ST6GALNAC4: variants seen among roughly 807,000 people sequenced by gnomAD.
The protein encoded by ST6GALNAC4 is ST6 N-acetylgalactosaminide alpha-2,6-sialyltransferase 4.
ST6GALNAC4 carries 24 observed loss-of-function variants against 30.4 expected under a neutral mutation model. That is an observed-to-expected ratio of 0.79 (90% CI 0.57 to 1.11). ST6GALNAC4 has a LOEUF of 1.11. ST6GALNAC4 is among the 50% of genes most tolerant of loss of function. The probability of loss-of-function intolerance (pLI) is 0.00; values close to 1 mark genes in which losing one functional copy is unlikely to be tolerated. For synonymous variants in ST6GALNAC4, 156 were observed against 179.7 expected (o/e 0.87, Z 1.05); for missense variants, 365 against 430.1 (o/e 0.85, Z 1.34).
chr9:127,910,888 G>A (rs1831060980), intron 4 of ST6GALNAC4, among the ~76,000 whole-genome samples: 2 of 152,188 alleles, frequency 1.3e-5, no homozygotes, highest in South Asian at 4.1e-4. Flanking sequence ...ATGGCAGAGG[G>A]TGACACCTGC....
In ST6GALNAC4 at chr9:127,914,586, G is replaced by A. The variant is rs996328455; in HGVS notation, c.198+70C>T. ...CATGGCTGGTGAGTAGAGGGGCCAA[G>A]CTCAAGGTCCGGTTTGGGACAAGCC... On this transcript the variant is annotated intron_variant, in intron 3 of 5. Coordinates refer to ENST00000335791, the MANE Select transcript of ST6GALNAC4 (RefSeq NM_175039.4). The A allele has an allele frequency of 5.2e-6, 7 of 1,341,166 alleles. No homozygotes were observed. In the African/African-American group the frequency reaches 9.2e-5, roughly 18 times the overall value. 83.1% of individuals were successfully genotyped at this position (1,341,166 alleles called of 1,614,324 possible).
intron 4 of ST6GALNAC4, 80 bp from the exon 5 acceptor site, chr9:127,910,138 TTTGCCAGCCCGGGGC>T: frequency 1.3e-6 from 2 of 1,556,956 alleles, no homozygotes; most frequent in Non-Finnish European, 1.7e-6. Context: ...CACTTGGTAC[TTTGCCAGCCCGGGGC>T]TATGCACCTC....
At chr9:127,914,955 C>T in intron 2 of ST6GALNAC4, 114 bp from the exon 3 acceptor site, 1 of 956,934 alleles carries the variant, frequency 1.0e-6, no homozygotes. Context: ...TAGAGCAGCT[C>T]CTAGAACAGC....
rs1156934077 is a variant in ST6GALNAC4 at position 127,914,723 on chromosome 9, G to T, written c.131C>A (p.Thr44Lys). ...TCCCGGCACAGTGGGCCTGGAGCCT[G>T]TGGGGAAGTGGTGGTCCAGGCAGGT... Reference protein sequence around the residue: ...LATCLDHHFPTGSRPTVPGPL... With the variant: ...LATCLDHHFPKGSRPTVPGPL... The change falls in exon 3 of 6, where the codon ACA (threonine) becomes AAA (lysine). Residue 44 changes from threonine to lysine, a missense_variant. Physicochemically the swap from Thr to Lys is moderately conservative, Grantham distance 78. Coordinates refer to ENST00000335791, the MANE Select transcript of ST6GALNAC4 (RefSeq NM_175039.4). 1 of 1,611,466 alleles carries T rather than the reference G, an allele frequency of 6.2e-7. No individual in the cohort carries two copies. Among genetic ancestry groups the T allele is most frequent in the Non-Finnish European group, 8.5e-7 (1 of 1,178,822 alleles).
Position 127,914,737 on chromosome 9 carries a change from G to A in ST6GALNAC4, c.117C>T (p.Asp39=). 6.2e-7 allele frequency: 1 copy of A among 1,610,044 alleles called. No homozygotes were observed. The highest frequency in any genetic ancestry group is 8.5e-7 in the Non-Finnish European group (1 of 1,178,116). ...GLPLCLATCL[D]HHFPTGSRPT... The stretch of plus-strand genomic sequence containing the variant: ...GCCTGGAGCCTGTGGGGAAGTGGTG[G>A]TCCAGGCAGGTGGCCAGGCAGAGGG... The change falls in exon 3 of 6, where the codon GAC becomes GAT. Residue 39 remains aspartate, a synonymous_variant. Coordinates refer to ENST00000335791, the MANE Select transcript of ST6GALNAC4 (RefSeq NM_175039.4).
At position 127,908,511 on chromosome 9, in the gene ST6GALNAC4, G is replaced by T; in HGVS notation, c.790C>A (p.Leu264Met). Reference sequence around the variant, plus strand: ...CTTCGGGGCGCCTGCTCGTGTGCCAGGTACATCTGACACTCATCTAGCCGG... The same window carrying T: ...CTTCGGGGCGCCTGCTCGTGTGCCATGTACATCTGACACTCATCTAGCCGG... ...KGRLDECQMY[L>M]AHEQAPRSAH... Residue 264 changes from leucine to methionine, a missense_variant, in exon 6 of 6, where the codon CTG becomes ATG. By Grantham distance (15) the Leu-to-Met change is conservative (BLOSUM62 2). Coordinates refer to ENST00000335791, the MANE Select transcript of ST6GALNAC4 (RefSeq NM_175039.4). 1 of 1,609,830 alleles carries T rather than the reference G, an allele frequency of 6.2e-7. No individual in the cohort carries two copies. Among genetic ancestry groups the T allele is most frequent in the Non-Finnish European group, 8.5e-7 (1 of 1,176,844 alleles).
intron 5 of ST6GALNAC4, among the ~76,000 whole-genome samples, chr9:127,909,377 A>ATG (rs1831020084): frequency 6.6e-6 from 1 of 151,346 alleles, no homozygotes. Context: ...CAACAAGAGC[A>ATG]AAACTCCATC....
At chr9:127,908,844 G>A (rs551862481) in intron 5 of ST6GALNAC4, among the ~76,000 whole-genome samples, 3 of 152,290 alleles carry the variant, frequency 2.0e-5, no homozygotes, top group Admixed American at 1.3e-4. Flanking sequence ...AAACGCAGAT[G>A]GTCACATCCG....
Position 127,908,664 on chromosome 9 carries a change from C to T in ST6GALNAC4, c.720-83G>A, listed in dbSNP as rs73606497. On this transcript the variant is annotated intron_variant, in intron 5 of 5. Transcript: ENST00000335791. ...CCTGCCGCCTACCTTGACCACCCCT[C>T]GCCAGGCCCATGGGCTCGTGAAGAC... 898 of 1,336,938 alleles carry T rather than the reference C, an allele frequency of 6.7e-4. 4 individuals carry two copies. In the African/African-American group the frequency reaches 0.011, roughly 17 times the overall value. The allele number at this position is 1,336,938 out of a possible 1,614,324, so 82.8% of individuals were successfully genotyped here. A position where few individuals can be genotyped will look rare whatever the true frequency, so the allele number is the denominator to read the frequency against.
In ST6GALNAC4 at chr9:127,914,808, C is replaced by G; in HGVS notation, c.46G>C (p.Val16Leu). 1 of 1,573,070 alleles carries G rather than the reference C, an allele frequency of 6.4e-7. No homozygotes were observed. ...RLVLIILCSV[V>L]FSAVYILLCC... ...AGGAGGATGTAGACGGCAGAGAAGA[C>G]CACGGAGCACAGGATGATGAGCACG... The change falls in exon 3 of 6, where the codon GTC (valine) becomes CTC (leucine). Residue 16 changes from valine to leucine, a missense_variant. By Grantham distance (32) the Val-to-Leu change is conservative. Transcript: ENST00000335791.
At chr9:127,909,462 T>C (rs1831023931) in intron 5 of ST6GALNAC4, among the ~76,000 whole-genome samples, 5 of 150,792 alleles carry the variant, frequency 3.3e-5, no homozygotes, top group Admixed American at 3.3e-4. Flanking sequence ...GAACTTGATA[T>C]CATGCTGGTA....
intron 5 of ST6GALNAC4, among the ~76,000 whole-genome samples, chr9:127,909,051 CT>C (rs1831008590): frequency 6.6e-6 from 1 of 152,124 alleles, no homozygotes; most frequent in South Asian, 2.1e-4. Context: ...CACCTGTCAC[CT>C]CGGTGACCTG....
At chr9:127,916,715 T>A in intron 1 of ST6GALNAC4, 111 bp downstream of exon 1, 1 of 540,946 alleles carries the variant, frequency 1.8e-6, no homozygotes. Flanking sequence ...CAATTCCCAG[T>A]GCGCAGATGG....
At position 127,916,912 on chromosome 9, in the gene ST6GALNAC4, C is replaced by T; in HGVS notation, c.-162G>A. ...CCTTCCAGATTCCACTGCCGCATCT[C>T]CCGGCCGAATGCTAACCGGGCGTGC... is the stretch of plus-strand genomic sequence containing the variant. On this transcript the variant is annotated 5_prime_UTR_variant, in exon 1 of 6. Coordinates refer to ENST00000335791, the MANE Select transcript of ST6GALNAC4 (RefSeq NM_175039.4). 5.9e-6 allele frequency: 1 copy of T among 169,740 alleles called. No individual in the cohort carries two copies. The highest frequency in any genetic ancestry group is 1.3e-4 in the South Asian group (1 of 7,784). The allele number at this position is 169,740 out of a possible 1,614,324, so 10.5% of individuals were successfully genotyped here. A position where few individuals can be genotyped will look rare whatever the true frequency, so the allele number is the denominator to read the frequency against.
In ST6GALNAC4 at chr9:127,912,347, CG is replaced by C; in HGVS notation, c.531del (p.Gly178AlafsTer11). 6.2e-7 allele frequency: 1 copy of C among 1,614,124 alleles called. No homozygotes were observed. The highest frequency in any genetic ancestry group is 8.5e-7 in the Non-Finnish European group (1 of 1,180,026). ...TCCGTGAAGGTGTACACCTGCAGGC[CG>C]GGGTACATCCTGGTGAGCTGCAGCA... ...RTLLQLTRMY[P>X]GLQVYTFTER... On this transcript the variant is annotated frameshift_variant, in exon 4 of 6. Coordinates refer to ENST00000335791, the MANE Select transcript of ST6GALNAC4 (RefSeq NM_175039.4). LOFTEE classifies it high-confidence loss of function.
At chr9:127,910,492 C>T (rs1831052551) in intron 4 of ST6GALNAC4, 1 of 1,013,638 alleles carries the variant, frequency 9.9e-7, no homozygotes, top group Non-Finnish European at 1.2e-6. Context: ...ATGGGCATCA[C>T]ATTTGCTCGT....
chr9:127,914,811 C>G lies in ST6GALNAC4; in HGVS notation c.43G>C (p.Val15Leu), dbSNP rs139214809. ...AGGATGTAGACGGCAGAGAAGACCA[C>G]GGAGCACAGGATGATGAGCACGAGC... is the stretch of plus-strand genomic sequence containing the variant. ...GRLVLIILCSVVFSAVYILLC... is the reference protein window; with the variant it reads ...GRLVLIILCSLVFSAVYILLC... The change falls in exon 3 of 6, where the codon GTG (valine) becomes CTG (leucine). Residue 15 changes from valine (V) to leucine (L), a missense_variant. Physicochemically the swap from Val to Leu is conservative, Grantham distance 32 (BLOSUM62 1). Transcript: ENST00000335791. 1.3e-5 allele frequency: 21 copies of G among 1,570,908 alleles called. No homozygotes were observed. The highest frequency in any genetic ancestry group is 4.6e-5 in the East Asian group (2 of 43,032).
In ST6GALNAC4 at chr9:127,908,349, C is replaced by G. The variant is rs564688674; in HGVS notation, c.*43G>C. The G allele has an allele frequency of 2.0e-6, 3 of 1,494,846 alleles. No individual in the cohort carries two copies. The South Asian group carries it at 4.2e-5, about 21-fold the overall frequency. 92.6% of individuals were successfully genotyped at this position (1,494,846 alleles called of 1,614,324 possible). A position where few individuals can be genotyped will look rare whatever the true frequency, so the allele number is the denominator to read the frequency against. ...TGTGATGGCTTGGGATGGGACATCCCGGAGGCCTCGCAACGGCATGGCGAC... is the reference window on the plus strand; with the variant it reads ...TGTGATGGCTTGGGATGGGACATCCGGGAGGCCTCGCAACGGCATGGCGAC... On this transcript the variant is annotated 3_prime_UTR_variant, in exon 6 of 6. Coordinates refer to ENST00000335791, the MANE Select transcript of ST6GALNAC4 (RefSeq NM_175039.4).
intron 2 of ST6GALNAC4, chr9:127,916,041 G>A: frequency 2.8e-6 from 1 of 359,628 alleles, no homozygotes; most frequent in East Asian, 5.2e-5. Flanking sequence ...CTTGACTCAG[G>A]CAGTCGAGAT....
Sources: gnomAD v4.1 joint callset for allele counts (sites outside exome capture counted in the v4.1 genomes callset) on GRCh38, gnomAD v4.1.1 for gene constraint, MANE v1.5 for transcripts, NCBI Gene and HGNC (gene_info 2026-07-23, HGNC 2026-07-21) for gene names.